The following ZNF423 variants were observed in gnomAD, a reference collection of about 807,000 sequenced individuals.
ZNF423 encodes the protein zinc finger protein 423.
Under a neutral mutation model 95.8 loss-of-function variants are expected in ZNF423, and 12 were observed. The ratio of observed to expected loss-of-function variants is 0.13; its 90% CI spans 0.08 to 0.20. ZNF423 has a LOEUF of 0.20. Among genes scored for constraint, ZNF423 ranks in the 10% least tolerant of loss-of-function variants. The pLI, the probability that ZNF423 is intolerant of heterozygous loss-of-function variation, is 1.00. For synonymous variants in ZNF423, 749 were observed against 711.9 expected (o/e 1.05, Z -0.83); for missense variants, 1,316 against 1,737.1 (o/e 0.76, Z 4.31).
rs58692079 is a variant in ZNF423 at position 49,815,914 on chromosome 16, ATTT to A, written c.41-26371_41-26369del. Among the ~76,000 whole-genome samples, 240 of 29,532 alleles carry A rather than the reference ATTT, an allele frequency of 8.1e-3. 2 individuals are homozygous for A. The highest frequency in any genetic ancestry group is 0.028 in the South Asian group (13 of 458). 19.4% of individuals were successfully genotyped at this position (29,532 alleles called of 152,430 possible). ...TATATATATATATATATATATATAT[ATTT>A]TTTTTTTTTTTTTTTTTTTGAGACA... On this transcript the variant is annotated intron_variant, in intron 1 of 7. Transcript: ENST00000563137.
At chr16:49,857,726 A>C (rs1195401367), upstream of ZNF423, 2 of 152,316 alleles carry the variant, frequency 1.3e-5, no homozygotes, top group African/African-American at 4.8e-5. The surrounding 1 kb of genome is among the most constrained non-coding windows in gnomAD (Gnocchi z 6.2). Context: ...TCCGACTGTA[A>C]AAGGAACACC....
intron 5 of ZNF423, among the ~76,000 whole-genome samples, chr16:49,568,652 C>A (rs1465047981): frequency 6.6e-6 from 1 of 152,128 alleles, no homozygotes; most frequent in Non-Finnish European, 1.5e-5. Context: ...ATGGTCTGAA[C>A]AAATGAATGA....
chr16:49,616,350 T>A (rs1971875392), intron 5 of ZNF423, among the ~76,000 whole-genome samples: 1 of 151,368 alleles, frequency 6.6e-6, no homozygotes, highest in African/African-American at 2.4e-5. Context: ...GGAGGGGAAG[T>A]GGGGATGGTT....
intron 5 of ZNF423, among the ~76,000 whole-genome samples, chr16:49,612,837 A>G (rs1971770039): frequency 6.6e-6 from 1 of 152,240 alleles, no homozygotes; most frequent in Non-Finnish European, 1.5e-5. Flanking sequence ...AAGCAATACA[A>G]AAATGAACAT....
At chr16:49,744,514 G>A (rs532641698) in intron 2 of ZNF423, among the ~76,000 whole-genome samples, 10 of 149,552 alleles carry the variant, frequency 6.7e-5, no homozygotes, top group Non-Finnish European at 1.3e-4. Flanking sequence ...GTGTCCCCAC[G>A]CTCAGCACAC....
At chr16:49,858,501 G>C (rs1283120853), upstream of ZNF423, among the ~76,000 whole-genome samples, 1 of 152,054 alleles carries the variant, frequency 6.6e-6, no homozygotes, top group African/African-American at 2.4e-5. This position sits in a 1 kb window ranked among gnomAD's most constrained non-coding sequence, Gnocchi z 4.3. Context: ...CGGGTGACGG[G>C]CTAAACGCGA....
intron 5 of ZNF423, among the ~76,000 whole-genome samples, chr16:49,581,876 C>T (rs998308093): frequency 2.0e-5 from 3 of 152,168 alleles, no homozygotes; most frequent in African/African-American, 7.2e-5. Flanking sequence ...CCTGCCAACC[C>T]GGGTTTCTGT....
At chr16:49,780,396 C>A (rs1333362465) in intron 2 of ZNF423, 1 of 152,286 alleles carries the variant, frequency 6.6e-6, no homozygotes, top group African/African-American at 2.4e-5. Context: ...AACCAGCAGG[C>A]GGAGCACAGG....
At chr16:49,631,173 C>T (rs1281520782) in intron 4 of ZNF423, among the ~76,000 whole-genome samples, 2 of 152,192 alleles carry the variant, frequency 1.3e-5, no homozygotes, top group Admixed American at 1.3e-4. Flanking sequence ...AACCCCAGTA[C>T]ACACACCGGT....
Position 49,826,234 on chromosome 16 carries a change from G to A in ZNF423, c.40+29501C>T, listed in dbSNP as rs567521091. Among the ~76,000 whole-genome samples the A allele has an allele frequency of 2.0e-5, 3 of 152,258 alleles. No homozygotes were observed. In the East Asian group the frequency reaches 5.8e-4, roughly 29 times the overall value. On this transcript the variant is annotated intron_variant, in intron 1 of 7. Transcript: ENST00000563137. ...CTCAAAAAATAAAAAAGAAAGGGCT[G>A]TCACATGCCAGGGATGGGCTTTGAT...
intron 2 of ZNF423, among the ~76,000 whole-genome samples, chr16:49,734,829 G>C (rs1052391983): frequency 3.3e-5 from 5 of 152,176 alleles, no homozygotes; most frequent in African/African-American, 1.2e-4. Context: ...CATGCCCCAA[G>C]AACAGTGAGC....
intron 2 of ZNF423, among the ~76,000 whole-genome samples, chr16:49,768,266 A>C (rs558402271): frequency 3.9e-5 from 6 of 152,204 alleles, no homozygotes; most frequent in African/African-American, 1.2e-4. Flanking sequence ...ACACCCCCGG[A>C]TGGGCCAGTC....
chr16:49,528,544 G>A (rs1235779522), intron 5 of ZNF423, among the ~76,000 whole-genome samples: 2 of 152,170 alleles, frequency 1.3e-5, no homozygotes, highest in Non-Finnish European at 2.9e-5. Flanking sequence ...GGAAAGAGGG[G>A]AGGAGAAATA....
chr16:49,791,387 C>CATCA (rs1363926344), intron 1 of ZNF423, among the ~76,000 whole-genome samples: 1 of 152,176 alleles, frequency 6.6e-6, no homozygotes, highest in Non-Finnish European at 1.5e-5. Context: ...TGCCTAAAGC[C>CATCA]ATCAGAAGCG....
Position 49,637,705 on chromosome 16 carries a change from T to C in ZNF423, c.1471A>G (p.Asn491Asp). ...QFGNISAFHC[N>D]YCPEMFADIN... Reference sequence around the variant, plus strand: ...TCGGCGAACATCTCGGGGCAGTAGTTGCAGTGGAAGGCAGAGATGTTGCCA... The same window carrying C: ...TCGGCGAACATCTCGGGGCAGTAGTCGCAGTGGAAGGCAGAGATGTTGCCA... The change falls in exon 4 of 8, where the codon AAC becomes GAC. Residue 491 changes from asparagine to aspartate, a missense_variant. Asn to Asp is a conservative substitution (Grantham distance 23). This residue lies in a region of ZNF423 where 399 missense variants were observed against 478.5 expected (regional missense o/e 0.83). Transcript: ENST00000563137. This position sits in a 1 kb window ranked among gnomAD's most constrained non-coding sequence, Gnocchi z 5.6. 6.2e-7 allele frequency: 1 copy of C among 1,614,168 alleles called. No individual in the cohort carries two copies. Among genetic ancestry groups the C allele is most frequent in the East Asian group, 2.2e-5 (1 of 44,886 alleles).
chr16:49,629,557 C>T lies in ZNF423; in HGVS notation c.3517-3303G>A, dbSNP rs112284116. On this transcript the variant is annotated intron_variant, in intron 4 of 7. Transcript: ENST00000563137. ...TTCTGAGAAGACTTCTCTTTTCACC[C>T]CAGAATGGGTCCAGGACCCCCTCCA... Among the ~76,000 whole-genome samples the T allele has an allele frequency of 3.7e-3, 562 of 152,274 alleles. 5 individuals are homozygous for T. The highest frequency in any genetic ancestry group is 0.013 in the African/African-American group (545 of 41,540).
intron 2 of ZNF423, among the ~76,000 whole-genome samples, chr16:49,735,134 G>A (rs112960404): frequency 0.034 from 5,149 of 152,138 alleles, 283 homozygotes; most frequent in African/African-American, 0.12. Context: ...GTTCAGCAAC[G>A]GCTCTGCTGA....
chr16:49,572,737 A>G (rs991758212), intron 5 of ZNF423, among the ~76,000 whole-genome samples: 1 of 152,102 alleles, frequency 6.6e-6, no homozygotes, highest in Non-Finnish European at 1.5e-5. Context: ...TGGATGGAGC[A>G]GGTGGTGGTG....
At chr16:49,614,694 G>T (rs1971820603) in intron 5 of ZNF423, among the ~76,000 whole-genome samples, 1 of 152,200 alleles carries the variant, frequency 6.6e-6, no homozygotes, top group African/African-American at 2.4e-5. Flanking sequence ...AGATGTTACT[G>T]TTGGGAGAAA....
Sources: gnomAD v4.1 joint callset for allele counts (sites outside exome capture counted in the v4.1 genomes callset) on GRCh38, gnomAD v4.1.1 for gene constraint, gnomAD v4.1.1 regional missense constraint, Gnocchi (gnomAD v3.1) non-coding constraint, MANE v1.5 for transcripts, NCBI Gene and HGNC (gene_info 2026-07-23, HGNC 2026-07-21) for gene names.